ZFPM2: variants seen among roughly 807,000 people sequenced by gnomAD.
ZFPM2 encodes zinc finger protein, FOG family member 2.
In ZFPM2, 20 loss-of-function variants were observed where a neutral mutation model predicts 98.6. The observed-to-expected ratio is 0.20, with a 90% CI of 0.14 to 0.29. ZFPM2 has a LOEUF of 0.29. Ranked by LOEUF, ZFPM2 falls within the 10% of genes least tolerant of loss-of-function variation. ZFPM2 has a pLI of 1.00. For synonymous variants in ZFPM2, 518 were observed against 502.7 expected, an observed-to-expected ratio of 1.03 and a Z score of -0.41; for missense variants, 1,310 against 1,388.6, an observed-to-expected ratio of 0.94 and a Z score of 0.90.
In ZFPM2 at chr8:105,574,538, T is replaced by C. The variant is rs551107524; in HGVS notation, c.420+13057T>C. Among the ~76,000 whole-genome samples the C allele has an allele frequency of 3.3e-5, 5 of 152,286 alleles. No individual in the cohort carries two copies. In the East Asian group the frequency reaches 9.7e-4, roughly 29 times the overall value. ...ATGTTAACTCAATTCTTTCATTATT[T>C]ATGGCATTTTAGAGCTCCATACAGA... On this transcript the variant is annotated intron_variant, in intron 4 of 7. Coordinates refer to ENST00000407775, the MANE Select transcript of ZFPM2 (RefSeq NM_012082.4).
At chr8:105,770,961 G>C (rs1040896245) in intron 5 of ZFPM2, among the ~76,000 whole-genome samples, 1 of 152,138 alleles carries the variant, frequency 6.6e-6, no homozygotes, top group African/African-American at 2.4e-5. Context: ...TGACTTTCCT[G>C]CTTCTTGCTC....
chr8:105,364,739 A>G (rs906294133), intron 1 of ZFPM2, among the ~76,000 whole-genome samples: 5 of 152,218 alleles, frequency 3.3e-5, no homozygotes, highest in African/African-American at 7.2e-5. Context: ...GAGTTCCTGT[A>G]AAGTCCTCAG....
chr8:105,663,470 T>C (rs932336320), intron 5 of ZFPM2, among the ~76,000 whole-genome samples: 8 of 152,220 alleles, frequency 5.3e-5, no homozygotes, highest in Non-Finnish European at 1.0e-4. Context: ...TTGTTCCACA[T>C]CCTGCATGTA....
intron 5 of ZFPM2, among the ~76,000 whole-genome samples, chr8:105,698,423 C>T (rs1811069040): frequency 6.6e-6 from 1 of 152,204 alleles, no homozygotes; most frequent in African/African-American, 2.4e-5. Flanking sequence ...AAAGAAACCA[C>T]TTTTCACTTT....
intron 3 of ZFPM2, among the ~76,000 whole-genome samples, chr8:105,501,173 T>G (rs912041838): frequency 6.7e-6 from 1 of 148,488 alleles, no homozygotes; most frequent in African/African-American, 2.5e-5. Context: ...ACAATATGAA[T>G]TTACTTTTCT....
At chr8:105,666,361 C>G (rs1817488554) in intron 5 of ZFPM2, among the ~76,000 whole-genome samples, 1 of 152,192 alleles carries the variant, frequency 6.6e-6, no homozygotes, top group Non-Finnish European at 1.5e-5. Context: ...ATCGATAACA[C>G]ACCTGCTCCA....
At chr8:105,764,376 G>A (rs1812811247) in intron 5 of ZFPM2, among the ~76,000 whole-genome samples, 1 of 149,932 alleles carries the variant, frequency 6.7e-6, no homozygotes, top group Non-Finnish European at 1.5e-5. Context: ...ATTTGCAGAA[G>A]CAATGTTTGC....
intron 5 of ZFPM2, among the ~76,000 whole-genome samples, chr8:105,737,992 A>T (rs1214297205): frequency 1.3e-5 from 2 of 152,032 alleles, no homozygotes; most frequent in Admixed American, 6.6e-5. Context: ...GAGGAAAAAA[A>T]AGCAGCTAAG....
At chr8:105,711,516 T>G (rs1811397142) in intron 5 of ZFPM2, among the ~76,000 whole-genome samples, 2 of 152,142 alleles carry the variant, frequency 1.3e-5, no homozygotes, top group Admixed American at 1.3e-4. Context: ...TCCTCTCTTC[T>G]AGACATACTC....
At chr8:105,413,458 G>A (rs1185226062) in intron 1 of ZFPM2, among the ~76,000 whole-genome samples, 2 of 146,750 alleles carry the variant, frequency 1.4e-5, no homozygotes, top group Non-Finnish European at 3.0e-5. Flanking sequence ...AATGTGGCTC[G>A]ATTATGATGT....
Position 105,419,274 on chromosome 8 carries a change from CGAA to C in ZFPM2, c.176_178del (p.Glu59del). ...AATTTGGGCCTGAAAATCTGAGCTGCGAAGAAGTGGAATACTTTTGTAACAAAG... is the reference window on the plus strand; with the variant it reads ...AATTTGGGCCTGAAAATCTGAGCTGCGAAGTGGAATACTTTTGTAACAAAG... On this transcript the variant is annotated inframe_deletion, in exon 2 of 8. Transcript: ENST00000407775. The C allele has an allele frequency of 8.1e-6, 13 of 1,613,164 alleles. No individual in the cohort carries two copies. The highest frequency in any genetic ancestry group is 1.1e-5 in the Non-Finnish European group (13 of 1,179,512).
intron 3 of ZFPM2, among the ~76,000 whole-genome samples, chr8:105,457,260 C>T (rs1378109083): frequency 3.3e-5 from 5 of 152,124 alleles, no homozygotes; most frequent in East Asian, 1.9e-4. Context: ...TAAACTCATG[C>T]ACTTGTTTCT....
chr8:105,560,893 C>T (rs1309280180), intron 3 of ZFPM2, among the ~76,000 whole-genome samples: 1 of 152,142 alleles, frequency 6.6e-6, no homozygotes, highest in Non-Finnish European at 1.5e-5. Context: ...ATATATTGTA[C>T]ATGTAGCCAT....
chr8:105,601,680 C>T (rs1816095527), intron 4 of ZFPM2, among the ~76,000 whole-genome samples: 1 of 151,948 alleles, frequency 6.6e-6, no homozygotes, highest in Admixed American at 6.6e-5. Flanking sequence ...CTAATAGGAC[C>T]AAATGACACA....
intron 4 of ZFPM2, among the ~76,000 whole-genome samples, chr8:105,605,990 TA>T (rs1343080127): frequency 4.6e-5 from 7 of 152,136 alleles, no homozygotes; most frequent in Non-Finnish European, 4.4e-5. Flanking sequence ...TAATACCTGG[TA>T]TGGAAGTGAC....
At chr8:105,646,556 T>C (rs1817052177) in intron 5 of ZFPM2, among the ~76,000 whole-genome samples, 1 of 152,168 alleles carries the variant, frequency 6.6e-6, no homozygotes, top group Non-Finnish European at 1.5e-5. Flanking sequence ...TCATTTTTTA[T>C]TTCTCAATAC....
chr8:105,507,177 G>A (rs902233064), intron 3 of ZFPM2, among the ~76,000 whole-genome samples: 2 of 152,120 alleles, frequency 1.3e-5, no homozygotes. Flanking sequence ...CCTGAATACA[G>A]TTATCTAAGA....
chr8:105,640,790 A>G (rs1460887372), intron 5 of ZFPM2, among the ~76,000 whole-genome samples: 1 of 152,072 alleles, frequency 6.6e-6, no homozygotes, highest in African/African-American at 2.4e-5. Context: ...GAGTAGCCCA[A>G]AAGTTAATGT....
intron 1 of ZFPM2, 132 bp from the exon 2 acceptor site, chr8:105,419,012 G>C (rs1454590476): frequency 9.6e-6 from 7 of 730,348 alleles, no homozygotes; most frequent in Non-Finnish European, 1.5e-5. Context: ...TCTTTTGTGA[G>C]TCCCCTTGGT....
Sources: allele counts gnomAD v4.1 joint callset (sites outside exome capture counted in the v4.1 genomes callset), GRCh38; gene constraint gnomAD v4.1.1; transcripts MANE v1.5; gene names NCBI Gene and HGNC (gene_info 2026-07-23, HGNC 2026-07-21).